THSD7B: variants seen among roughly 807,000 people sequenced by gnomAD.
THSD7B encodes thrombospondin type-1 domain-containing protein 7B.
THSD7B carries 138 observed loss-of-function variants against 213.6 expected under a neutral mutation model. That is an observed-to-expected ratio of 0.65 (90% CI 0.56 to 0.74). The LOEUF is 0.74. Among genes scored for constraint, THSD7B ranks in the 30% least tolerant of loss-of-function variants. THSD7B has a pLI of 0.00. For synonymous variants in THSD7B, 742 were observed against 687.0 expected (o/e 1.08, Z -1.25); for missense variants, 1,931 against 1,991.5 (o/e 0.97, Z 0.58).
At chr2:137,630,620 A>C (rs745797623) in intron 20 of THSD7B, among the ~76,000 whole-genome samples, 1 of 152,224 alleles carries the variant, frequency 6.6e-6, no homozygotes, top group Admixed American at 6.5e-5. Context: ...AGAAGCAGGA[A>C]TGTATGGTAT....
intron 17 of THSD7B, among the ~76,000 whole-genome samples, chr2:137,581,311 G>T (rs1311896243): frequency 2.6e-5 from 4 of 152,074 alleles, no homozygotes; most frequent in Admixed American, 2.0e-4. Flanking sequence ...TTATAGGCCG[G>T]GTGCAGTGGT....
intron 2 of THSD7B, among the ~76,000 whole-genome samples, chr2:136,918,556 T>C (rs1049520232): frequency 2.0e-5 from 3 of 152,222 alleles, no homozygotes; most frequent in African/African-American, 7.2e-5. Flanking sequence ...AAATGACAGA[T>C]TCCTGAAGGT....
At chr2:136,901,078 ATT>A (rs5834521) in intron 2 of THSD7B, among the ~76,000 whole-genome samples, 7 of 150,542 alleles carry the variant, frequency 4.6e-5, no homozygotes, top group Non-Finnish European at 5.9e-5. Flanking sequence ...TATTCCTTGG[ATT>A]TTTTTTTTTA....
At chr2:136,903,550 G>T (rs909498319) in intron 2 of THSD7B, among the ~76,000 whole-genome samples, 1 of 152,140 alleles carries the variant, frequency 6.6e-6, no homozygotes, top group Non-Finnish European at 1.5e-5. Context: ...CAGAGCAGGG[G>T]TATGGACAAG....
intron 2 of THSD7B, among the ~76,000 whole-genome samples, chr2:136,948,552 T>C (rs754663742): frequency 6.6e-6 from 1 of 152,190 alleles, no homozygotes; most frequent in Non-Finnish European, 1.5e-5. Context: ...GAAAGATTAT[T>C]TCCTGCTGGG....
chr2:136,936,281 AAGT>A (rs1388354857), intron 2 of THSD7B, among the ~76,000 whole-genome samples: 2 of 152,124 alleles, frequency 1.3e-5, no homozygotes, highest in Non-Finnish European at 2.9e-5. Context: ...AAAGAACTAA[AAGT>A]AGAACTACCA....
chr2:137,579,311 A>G (rs73958900), intron 17 of THSD7B, among the ~76,000 whole-genome samples: 37,323 of 152,050 alleles, frequency 0.25, 4,721 homozygotes, highest in South Asian at 0.35. Context: ...TGATTGCCTT[A>G]CACTGAGACA....
At chr2:137,273,753 A>G (rs1682805415) in intron 11 of THSD7B, among the ~76,000 whole-genome samples, 1 of 152,102 alleles carries the variant, frequency 6.6e-6, no homozygotes, top group Non-Finnish European at 1.5e-5. Flanking sequence ...CACTGGGAAC[A>G]TGCCCAGACT....
chr2:137,553,046 G>A (rs1293209984), intron 15 of THSD7B, among the ~76,000 whole-genome samples: 1 of 152,122 alleles, frequency 6.6e-6, no homozygotes, highest in African/African-American at 2.4e-5. Flanking sequence ...ATCTCATAGT[G>A]CTTTATTGAT....
intron 15 of THSD7B, among the ~76,000 whole-genome samples, chr2:137,482,736 T>C (rs1184300061): frequency 1.3e-5 from 2 of 152,042 alleles, no homozygotes; most frequent in Admixed American, 1.3e-4. Flanking sequence ...TTAGTATTGC[T>C]TTTCCTTTTT....
At chr2:137,469,634 G>A (rs1036095918) in intron 15 of THSD7B, among the ~76,000 whole-genome samples, 3 of 152,156 alleles carry the variant, frequency 2.0e-5, no homozygotes, top group Non-Finnish European at 2.9e-5. Context: ...ATATGCAAAA[G>A]TATAAAACTT....
At chr2:136,779,624 G>A (rs1427049394) in intron 1 of THSD7B, among the ~76,000 whole-genome samples, 1 of 152,132 alleles carries the variant, frequency 6.6e-6, no homozygotes, top group African/African-American at 2.4e-5. Context: ...ATCTTGCTTT[G>A]ATGATTTAAA....
At chr2:136,923,258 TGTAGTA>T (rs1684465372) in intron 2 of THSD7B, among the ~76,000 whole-genome samples, 1 of 152,198 alleles carries the variant, frequency 6.6e-6, no homozygotes, top group African/African-American at 2.4e-5. Context: ...TCATCTATGT[TGTAGTA>T]GTATGTAACA....
intron 14 of THSD7B, among the ~76,000 whole-genome samples, chr2:137,426,494 T>C (rs140676918): frequency 4.5e-4 from 69 of 152,150 alleles, no homozygotes; most frequent in Admixed American, 7.2e-4. Context: ...CATAAATCAA[T>C]GGAACAGAAT....
chr2:137,162,373 G>T (rs1034120058), intron 6 of THSD7B, among the ~76,000 whole-genome samples: 9 of 152,152 alleles, frequency 5.9e-5, no homozygotes, highest in Non-Finnish European at 1.3e-4. Context: ...TTTATGTCAT[G>T]TCCTCATTCC....
chr2:137,521,235 G>A (rs1307542141), intron 15 of THSD7B, among the ~76,000 whole-genome samples: 2 of 152,142 alleles, frequency 1.3e-5, no homozygotes, highest in African/African-American at 4.8e-5. Context: ...TAATAGGTAT[G>A]TTATCTCAAT....
chr2:137,668,159 G>A (rs1275709634), intron 27 of THSD7B, among the ~76,000 whole-genome samples: 1 of 152,094 alleles, frequency 6.6e-6, no homozygotes, highest in Non-Finnish European at 1.5e-5. Flanking sequence ...ATGTCTCCTA[G>A]GGAATCAGGC....
chr2:137,040,801 T>A (rs1686869727), intron 2 of THSD7B, among the ~76,000 whole-genome samples: 1 of 152,178 alleles, frequency 6.6e-6, no homozygotes, highest in African/African-American at 2.4e-5. Flanking sequence ...TGAGCCTACA[T>A]CTGTCTTGAA....
rs1417352861 is a variant in THSD7B, at chr2:137,272,557, G to A, written c.2291G>A (p.Arg764Gln). The A allele has an allele frequency of 6.2e-7, 1 of 1,610,540 alleles. No homozygotes were observed. Among genetic ancestry groups the A allele is most frequent in the Non-Finnish European group, 8.5e-7 (1 of 1,178,586 alleles). ...GGAAATGCCACAGTAAAACAGTCTCGATACAGAATCATCATCCAAGAAGCA... is the reference window on the plus strand; with the variant it reads ...GGAAATGCCACAGTAAAACAGTCTCAATACAGAATCATCATCCAAGAAGCA... ...QAGNATVKQS[R>Q]YRIIIQEAAN... Residue 764 changes from arginine (R) to glutamine (Q), a missense_variant, in exon 11 of 28, where the codon CGA (arginine) becomes CAA (glutamine). Physicochemically the swap from Arg to Gln is conservative, Grantham distance 43. Transcript: ENST00000409968.
Sources: gnomAD v4.1 joint callset for allele counts (sites outside exome capture counted in the v4.1 genomes callset) on GRCh38, gnomAD v4.1.1 for gene constraint, MANE v1.5 for transcripts, NCBI Gene and HGNC (gene_info 2026-07-23, HGNC 2026-07-21) for gene names.